Variants in PLXNC1 observed in about 807,000 individuals in gnomAD.
The protein encoded by PLXNC1 is plexin C1.
A neutral mutation model predicts 178.2 loss-of-function variants in PLXNC1; 75 were observed. The ratio of observed to expected loss-of-function variants is 0.42; its 90% confidence interval spans 0.35 to 0.51. PLXNC1 has a LOEUF of 0.51. PLXNC1 is among the 20% of genes least tolerant of loss of function. PLXNC1 has a pLI of 0.02. For synonymous variants in PLXNC1, 790 were observed against 779.9 expected (o/e 1.01, Z -0.22); for missense variants, 1,503 against 1,984.4 (o/e 0.76, Z 4.61).
chr12:94,207,355 A>G (rs1215470076), intron 4 of PLXNC1, among the ~76,000 whole-genome samples: 4 of 151,424 alleles, frequency 2.6e-5, no homozygotes, highest in Non-Finnish European at 4.4e-5. Context: ...TTTTTTTTTC[A>G]AAAAGTAAAA....
intron 4 of PLXNC1, among the ~76,000 whole-genome samples, chr12:94,204,116 A>G (rs955426816): frequency 1.3e-5 from 2 of 152,224 alleles, no homozygotes; most frequent in African/African-American, 4.8e-5. Flanking sequence ...TTTATAAATT[A>G]CCCAGTCTGT....
intron 12 of PLXNC1, among the ~76,000 whole-genome samples, chr12:94,247,129 C>A (rs1485527787): frequency 6.6e-6 from 1 of 152,064 alleles, no homozygotes; most frequent in Admixed American, 6.5e-5. Context: ...CCAGGCTGAT[C>A]TCCAACTCCC....
chr12:94,150,069 G>A, intron 1 of PLXNC1, 36 bp downstream of exon 1: 1 of 1,491,086 alleles, frequency 6.7e-7, no homozygotes, highest in Non-Finnish European at 8.9e-7. Flanking sequence ...GGAGAGCGCT[G>A]CTGCCGGGGA....
chr12:94,219,984 C>G, intron 5 of PLXNC1, 32 bp from the exon 6 acceptor site: 1 of 1,596,946 alleles, frequency 6.3e-7, no homozygotes, highest in Non-Finnish European at 8.5e-7. Context: ...AGGCAAAAAT[C>G]ATCATTTTTT....
Position 94,265,238 on chromosome 12 carries a change from T to C in PLXNC1, c.3597+13T>C. On this transcript the variant is annotated intron_variant, in intron 21 of 30. Transcript: ENST00000258526. ...ATTCAGTACTGTGGTATGTTTTCAA[T>C]AAAGCTCCCAGCCAGACTCCCAAAT... is the stretch of plus-strand genomic sequence containing the variant. 6.3e-7 allele frequency: 1 copy of C among 1,586,542 alleles called. No individual in the cohort carries two copies. The highest frequency in any genetic ancestry group is 8.6e-7 in the Non-Finnish European group (1 of 1,159,288).
rs573992423 is a variant in PLXNC1 at position 94,186,140 on chromosome 12, C to T, written c.1339-233C>T. On this transcript the variant is annotated intron_variant, in intron 3 of 30. Transcript: ENST00000258526. ...TCCTAGGCTCTGCCCCCAGACTTAG[C>T]GAGAGTCTCTGCGGCAGAGGCCTGG... 10 of 422,522 alleles carry T rather than the reference C, an allele frequency of 2.4e-5. No individual in the cohort carries two copies. In the South Asian group the frequency reaches 2.5e-4, roughly 10 times the overall value. 26.2% of individuals were successfully genotyped at this position (422,522 alleles called of 1,614,324 possible).
intron 28 of PLXNC1, among the ~76,000 whole-genome samples, chr12:94,301,349 T>C (rs988245760): frequency 1.3e-5 from 2 of 152,240 alleles, no homozygotes; most frequent in South Asian, 4.1e-4. Context: ...CTATGGACAC[T>C]GATAAACTAT....
At chr12:94,151,583 T>C (rs2135914525) in intron 1 of PLXNC1, among the ~76,000 whole-genome samples, 1 of 152,354 alleles carries the variant, frequency 6.6e-6, no homozygotes, top group African/African-American at 2.4e-5. Flanking sequence ...TATCGTTTCC[T>C]ACTTCTCTGT....
chr12:94,282,848 CTGTT>C (rs1234263560), intron 23 of PLXNC1: 1 of 155,758 alleles, frequency 6.4e-6, no homozygotes, highest in Admixed American at 6.2e-5. Context: ...TCTAAATTTC[CTGTT>C]TGTTTGCAAT....
At chr12:94,237,616 G>T in intron 9 of PLXNC1, 48 bp from the exon 10 acceptor site, 3 of 1,560,602 alleles carry the variant, frequency 1.9e-6, no homozygotes, top group Admixed American at 1.8e-5. Flanking sequence ...TTGGAGCGAT[G>T]CCATTTCTTA....
At chr12:94,254,962 GA>G (rs1211518883) in intron 16 of PLXNC1, 74 bp downstream of exon 16, 1 of 1,190,104 alleles carries the variant, frequency 8.4e-7, no homozygotes. Flanking sequence ...CCCTTACATA[GA>G]GATGGCCACA....
At chr12:94,248,127 G>A in intron 13 of PLXNC1, 21 bp downstream of exon 13, 1 of 1,611,740 alleles carries the variant, frequency 6.2e-7, no homozygotes, top group Non-Finnish European at 8.5e-7. Flanking sequence ...TTTCTTTCTG[G>A]GTGGGATGTC....
At chr12:94,288,788 C>T (rs202152122) in intron 23 of PLXNC1, among the ~76,000 whole-genome samples, 1 of 152,212 alleles carries the variant, frequency 6.6e-6, no homozygotes, top group Non-Finnish European at 1.5e-5. Flanking sequence ...AATATTGGCA[C>T]GTGGCTGCTG....
intron 28 of PLXNC1, among the ~76,000 whole-genome samples, chr12:94,302,897 T>G (rs1449936139): frequency 1.3e-5 from 2 of 152,176 alleles, no homozygotes; most frequent in Non-Finnish European, 2.9e-5. Context: ...ATTGAATGAA[T>G]GAATGATAGC....
intron 2 of PLXNC1, among the ~76,000 whole-genome samples, chr12:94,174,806 G>A (rs116942596): frequency 5.3e-5 from 8 of 152,236 alleles, no homozygotes; most frequent in African/African-American, 1.7e-4. Flanking sequence ...CTTGGAAGTG[G>A]GTTCATTGGT....
chr12:94,149,590 C>T lies in PLXNC1; in HGVS notation c.619C>T (p.Leu207Phe). The T allele has an allele frequency of 6.4e-7, 1 of 1,573,590 alleles. No individual in the cohort carries two copies. The highest frequency in any genetic ancestry group is 8.6e-7 in the Non-Finnish European group (1 of 1,162,038). ...ATCCGACCACGACACGGCCATCGCG[C>T]TCAAGGACACGGAGGGGCGCAGCCT... The part of the protein sequence containing the change: ...AASDHDTAIA[L>F]KDTEGRSLAT... The change falls in exon 1 of 31, where the codon CTC (leucine) becomes TTC (phenylalanine). Residue 207 changes from leucine (L) to phenylalanine (F), a missense_variant. This residue lies in a region of PLXNC1 where 615 missense variants were observed against 698.6 expected (regional missense o/e 0.88). Transcript: ENST00000258526.
At chr12:94,188,693 A>G (rs1418260384) in intron 4 of PLXNC1, among the ~76,000 whole-genome samples, 1 of 152,226 alleles carries the variant, frequency 6.6e-6, no homozygotes, top group African/African-American at 2.4e-5. Flanking sequence ...CCAGAAGAGA[A>G]GGAGAAATGG....
At chr12:94,182,872 T>TATCTATC (rs1378768902) in intron 3 of PLXNC1, among the ~76,000 whole-genome samples, 3 of 145,760 alleles carry the variant, frequency 2.1e-5, no homozygotes, top group Non-Finnish European at 4.6e-5. Context: ...TCTATCTATC[T>TATCTATC]ATCTATCTAT....
chr12:94,199,474 T>A (rs1027983692), intron 4 of PLXNC1, among the ~76,000 whole-genome samples: 1 of 150,706 alleles, frequency 6.6e-6, no homozygotes, highest in Non-Finnish European at 1.5e-5. Context: ...AAGAGGAATA[T>A]GTCCTTTGGG....
Sources: allele counts gnomAD v4.1 joint callset (sites outside exome capture counted in the v4.1 genomes callset), GRCh38; gene constraint gnomAD v4.1.1; regional missense constraint gnomAD v4.1.1; transcripts MANE v1.5; gene names NCBI Gene and HGNC (gene_info 2026-07-23, HGNC 2026-07-21).